The following CNTNAP2 variants were observed in gnomAD, a reference collection of about 807,000 sequenced individuals.
CNTNAP2 encodes the protein contactin-associated protein-like 2.
Under a neutral mutation model 155.2 loss-of-function variants are expected in CNTNAP2, and 98 were observed. That is an observed-to-expected ratio of 0.63 (90% CI 0.54 to 0.75). The LOEUF is 0.75. Among genes scored for constraint, CNTNAP2 ranks in the 30% least tolerant of loss-of-function variants. CNTNAP2 has a pLI of 0.00. For synonymous variants in CNTNAP2, 651 were observed against 631.2 expected (o/e 1.03, Z -0.47); for missense variants, 1,727 against 1,688.1 (o/e 1.02, Z -0.40).
At chr7:146,587,558 C>T (rs535112147) in intron 1 of CNTNAP2, among the ~76,000 whole-genome samples, 52 of 152,238 alleles carry the variant, frequency 3.4e-4, no homozygotes, top group African/African-American at 1.2e-3. Flanking sequence ...ATTTGGAATA[C>T]CACCACAAAC....
At position 146,768,244 on chromosome 7, in the gene CNTNAP2, CTT is replaced by C. The variant is rs1421656517; in HGVS notation, c.98-6026_98-6025del. On this transcript the variant is annotated intron_variant, in intron 1 of 23. Coordinates refer to ENST00000361727, the MANE Select transcript of CNTNAP2 (RefSeq NM_014141.6). The stretch of plus-strand genomic sequence containing the variant: ...CCTTGTTCCTTATGACTAAAACTAT[CTT>C]GAATTACAAGCTGAACGAAAAGCTC... 2.6e-5 allele frequency among the ~76,000 whole-genome samples: 4 copies of C among 151,750 alleles called. No individual in the cohort carries two copies. The East Asian group carries it at 8.1e-4, about 31-fold the overall frequency.
intron 1 of CNTNAP2, among the ~76,000 whole-genome samples, chr7:146,498,176 A>G (rs1170507700): frequency 6.6e-6 from 1 of 152,166 alleles, no homozygotes; most frequent in African/African-American, 2.4e-5. Flanking sequence ...TGCTTCTAAA[A>G]GAAGAAGGAT....
intron 1 of CNTNAP2, among the ~76,000 whole-genome samples, chr7:146,291,813 G>T (rs1441738467): frequency 6.6e-6 from 1 of 152,126 alleles, no homozygotes; most frequent in Non-Finnish European, 1.5e-5. Context: ...TGAGGTATAA[G>T]TCTGGGCAAT....
intron 13 of CNTNAP2, among the ~76,000 whole-genome samples, chr7:147,873,429 A>C (rs921322801): frequency 6.6e-6 from 1 of 152,210 alleles, no homozygotes; most frequent in African/African-American, 2.4e-5. Flanking sequence ...GGGCAAAGGC[A>C]TGTCTTACAT....
At chr7:147,860,306 TC>T (rs1799112912) in intron 13 of CNTNAP2, among the ~76,000 whole-genome samples, 1 of 151,956 alleles carries the variant, frequency 6.6e-6, no homozygotes, top group South Asian at 2.1e-4. Flanking sequence ...GCGCCTGTAA[TC>T]CCAGTGTTCA....
chr7:146,603,118 A>C (rs545306258), intron 1 of CNTNAP2, among the ~76,000 whole-genome samples: 2 of 151,672 alleles, frequency 1.3e-5, no homozygotes, highest in African/African-American at 2.4e-5. Flanking sequence ...ATGTAAATTT[A>C]AAATATTGCG....
At chr7:147,966,199 T>A (rs1294479265) in intron 14 of CNTNAP2, among the ~76,000 whole-genome samples, 2 of 152,144 alleles carry the variant, frequency 1.3e-5, no homozygotes, top group Non-Finnish European at 2.9e-5. Context: ...AAAAAAGCAA[T>A]GCTTCTTGGT....
At chr7:146,204,456 G>C (rs1054431691) in intron 1 of CNTNAP2, among the ~76,000 whole-genome samples, 1 of 152,026 alleles carries the variant, frequency 6.6e-6, no homozygotes, top group Non-Finnish European at 1.5e-5. Context: ...ACAATTATGA[G>C]TAAATATACA....
At chr7:147,363,644 T>G (rs964488371) in intron 9 of CNTNAP2, among the ~76,000 whole-genome samples, 1 of 152,246 alleles carries the variant, frequency 6.6e-6, no homozygotes, top group Non-Finnish European at 1.5e-5. Context: ...TATATTGCTA[T>G]CAACTCAGTC....
intron 1 of CNTNAP2, among the ~76,000 whole-genome samples, chr7:146,186,415 A>C (rs1005090685): frequency 6.6e-6 from 1 of 152,158 alleles, no homozygotes; most frequent in African/African-American, 2.4e-5. Flanking sequence ...ATTTGATTTG[A>C]TATATGCTTA....
rs57230385 is a variant in CNTNAP2 at position 146,273,214 on chromosome 7, C to CAAA, written c.97+156251_97+156253dup. 3.4e-4 allele frequency among the ~76,000 whole-genome samples: 35 copies of CAAA among 101,956 alleles called. 1 individual carries two copies. Among genetic ancestry groups the CAAA allele is most frequent in the African/African-American group, 1.3e-3 (35 of 27,774 alleles). The allele number at this position is 101,956 out of a possible 152,430, so 66.9% of individuals were successfully genotyped here. A position where few individuals can be genotyped will look rare whatever the true frequency, so the allele number is the denominator to read the frequency against. ...TTTTTAGTATTAAATGCGTCACGTGCAAAAAAAAAAAACAACAAAAATCAG... is the reference window on the plus strand; with the variant it reads ...TTTTTAGTATTAAATGCGTCACGTGCAAAAAAAAAAAAAAACAACAAAAATCAG... On this transcript the variant is annotated intron_variant, in intron 1 of 23. Transcript: ENST00000361727.
intron 1 of CNTNAP2, among the ~76,000 whole-genome samples, chr7:146,721,492 TTCTA>T (rs1198443332): frequency 6.1e-5 from 7 of 115,666 alleles, no homozygotes; most frequent in African/African-American, 3.2e-4. Flanking sequence ...TCTATATACA[TTCTA>T]TATATATTCT....
At position 146,830,017 on chromosome 7, in the gene CNTNAP2, CA is replaced by C. The variant is rs1169972928; in HGVS notation, c.209-9689del. ...TTTGTGGGGCTTGTTTATACATTAACAAAAATGAATATTTTTGTTATAGGTT... is the reference window on the plus strand; with the variant it reads ...TTTGTGGGGCTTGTTTATACATTAACAAAATGAATATTTTTGTTATAGGTT... On this transcript the variant is annotated intron_variant, in intron 2 of 23. Transcript: ENST00000361727. 4.6e-5 allele frequency among the ~76,000 whole-genome samples: 7 copies of C among 152,100 alleles called. No individual in the cohort carries two copies. The East Asian group carries it at 1.4e-3, about 29-fold the overall frequency.
chr7:148,373,533 A>G (rs1798928394), intron 21 of CNTNAP2, among the ~76,000 whole-genome samples: 1 of 152,210 alleles, frequency 6.6e-6, no homozygotes, highest in African/African-American at 2.4e-5. Context: ...CAGGCAATAG[A>G]AAAATTTCAG....
At chr7:146,124,692 C>A (rs1209542405) in intron 1 of CNTNAP2, among the ~76,000 whole-genome samples, 1 of 152,136 alleles carries the variant, frequency 6.6e-6, no homozygotes, top group Non-Finnish European at 1.5e-5. Context: ...ATATGACTAT[C>A]AGGTTTTCAG....
chr7:148,062,026 A>AGTGT lies in CNTNAP2; in HGVS notation c.2384-56091_2384-56090insTGTG, dbSNP rs1429526235. Among the ~76,000 whole-genome samples the AGTGT allele has an allele frequency of 3.4e-3, 447 of 132,044 alleles. 11 individuals are homozygous for AGTGT. The highest frequency in any genetic ancestry group is 0.012 in the African/African-American group (423 of 34,070). The allele number at this position is 132,044 out of a possible 152,430, so 86.6% of individuals were successfully genotyped here. A position where few individuals can be genotyped will look rare whatever the true frequency, so the allele number is the denominator to read the frequency against. ...AGATAGATGATAGAGAGAGAGAGAG[A>AGTGT]GAGTGTGTGTGTGTGTGTGTGTGTG... On this transcript the variant is annotated intron_variant, in intron 15 of 23. Coordinates refer to ENST00000361727, the MANE Select transcript of CNTNAP2 (RefSeq NM_014141.6).
intron 11 of CNTNAP2, among the ~76,000 whole-genome samples, chr7:147,516,181 C>G (rs889096027): frequency 4.6e-5 from 7 of 152,062 alleles, no homozygotes; most frequent in Non-Finnish European, 7.4e-5. Flanking sequence ...AAAAAATGCA[C>G]AAATATTTCC....
At chr7:148,198,946 G>A (rs1795323449) in intron 18 of CNTNAP2, among the ~76,000 whole-genome samples, 1 of 152,158 alleles carries the variant, frequency 6.6e-6, no homozygotes, top group Non-Finnish European at 1.5e-5. Flanking sequence ...CATTGGGGAT[G>A]GAGTAGAATG....
In CNTNAP2 at chr7:147,775,320, T is replaced by A. The variant is rs1364662573; in HGVS notation, c.2099-128245T>A. Among the ~76,000 whole-genome samples the A allele has an allele frequency of 9.7e-3, 414 of 42,836 alleles. 22 individuals are homozygous for A. In the African/African-American group the frequency reaches 0.099, roughly 10 times the overall value. The allele number at this position is 42,836 out of a possible 152,430, so 28.1% of individuals were successfully genotyped here. A position where few individuals can be genotyped will look rare whatever the true frequency, so the allele number is the denominator to read the frequency against. ...TTATATATATTTATAAATATATATA[T>A]ATTTATATATATTTATAAATATATA... is the stretch of plus-strand genomic sequence containing the variant. On this transcript the variant is annotated intron_variant, in intron 13 of 23. Transcript: ENST00000361727.
Sources: gnomAD v4.1 joint callset for allele counts (sites outside exome capture counted in the v4.1 genomes callset) on GRCh38, gnomAD v4.1.1 for gene constraint, MANE v1.5 for transcripts, NCBI Gene and HGNC (gene_info 2026-07-23, HGNC 2026-07-21) for gene names.